The following DOCK4 variants were observed in gnomAD, a reference collection of about 807,000 sequenced individuals.
The protein encoded by DOCK4 is dedicator of cytokinesis 4, also known as dedicator of cytokinesis protein 4.
DOCK4 carries 97 observed loss-of-function variants against 268.1 expected under a neutral mutation model. The ratio of observed to expected loss-of-function variants is 0.36; its 90% CI spans 0.31 to 0.43. DOCK4 has a LOEUF of 0.43. Ranked by LOEUF, DOCK4 falls within the 20% of genes least tolerant of loss-of-function variation. DOCK4 has a pLI of 1.00. For synonymous variants in DOCK4, 954 were observed against 887.2 expected (o/e 1.08, Z -1.34); for missense variants, 2,145 against 2,455.7 (o/e 0.87, Z 2.67).
At chr7:112,180,280 C>T (rs1303264672) in intron 1 of DOCK4, among the ~76,000 whole-genome samples, 1 of 152,118 alleles carries the variant, frequency 6.6e-6, no homozygotes, top group Non-Finnish European at 1.5e-5. Flanking sequence ...GAACCTTGCT[C>T]TCCCAAAGAG....
intron 12 of DOCK4, among the ~76,000 whole-genome samples, chr7:111,934,530 T>TTTTGTTTTTG (rs749087364): frequency 1.5e-5 from 2 of 134,322 alleles, no homozygotes; most frequent in East Asian, 2.2e-4. Context: ...TTTGTTTTTT[T>TTTTGTTTTTG]TTTTTTTTTT....
intron 13 of DOCK4, among the ~76,000 whole-genome samples, chr7:111,908,979 C>T (rs960083818): frequency 3.9e-5 from 6 of 152,122 alleles, no homozygotes; most frequent in Non-Finnish European, 7.4e-5. Flanking sequence ...ATAAATAGTG[C>T]CGCAATAAAC....
chr7:112,197,017 T>G (rs1351236366), intron 1 of DOCK4, among the ~76,000 whole-genome samples: 2 of 152,086 alleles, frequency 1.3e-5, no homozygotes. Flanking sequence ...CAAGAAAACA[T>G]TGGTTTTCTT....
intron 1 of DOCK4, among the ~76,000 whole-genome samples, chr7:112,131,067 G>T (rs186864686): frequency 6.6e-6 from 1 of 152,148 alleles, no homozygotes; most frequent in Non-Finnish European, 1.5e-5. Context: ...AAAGGAAATG[G>T]CCGGCCGTAT....
Position 111,863,514 on chromosome 7 carries a change from G to C in DOCK4, c.2331C>G (p.Leu777=). The part of the protein sequence containing the change: ...FPAVYSELLK[L]FDVREVANLV... ...AGTTGGCTACTTCCCGGACATCAAA[G>C]AGCTTCAACAGTTCTGAGTACACGG... The change falls in exon 23 of 53, where the codon CTC becomes CTG. Residue 777 remains leucine (L), a synonymous_variant. Coordinates refer to ENST00000428084, the MANE Select transcript of DOCK4 (RefSeq NM_001363540.2). 6.2e-7 allele frequency: 1 copy of C among 1,613,788 alleles called. No homozygotes were observed. Among genetic ancestry groups the C allele is most frequent in the Non-Finnish European group, 8.5e-7 (1 of 1,179,800 alleles).
chr7:112,100,123 C>A (rs1810539955), intron 1 of DOCK4, among the ~76,000 whole-genome samples: 1 of 152,168 alleles, frequency 6.6e-6, no homozygotes, highest in Non-Finnish European at 1.5e-5. Context: ...ATCATACCTC[C>A]TTCCTACTGT....
intron 1 of DOCK4, among the ~76,000 whole-genome samples, chr7:112,137,295 C>G (rs1814451598): frequency 6.6e-6 from 1 of 152,186 alleles, no homozygotes; most frequent in Admixed American, 6.5e-5. Context: ...GAGAGTTCCT[C>G]CAGCCAGTCT....
chr7:112,098,585 G>A (rs1810369162), intron 1 of DOCK4, among the ~76,000 whole-genome samples: 1 of 149,078 alleles, frequency 6.7e-6, no homozygotes. Context: ...GATTATGTAA[G>A]ATTATGTAAA....
chr7:111,835,108 A>G (rs1354854918), intron 25 of DOCK4, among the ~76,000 whole-genome samples: 1 of 152,140 alleles, frequency 6.6e-6, no homozygotes, highest in Admixed American at 6.5e-5. Flanking sequence ...AGAAGGTAAA[A>G]TGTAGTTTCT....
chr7:112,184,478 TCTGAGGTTTAATAG>T (rs1280997296), intron 1 of DOCK4, among the ~76,000 whole-genome samples: 2 of 152,206 alleles, frequency 1.3e-5, no homozygotes, highest in African/African-American at 4.8e-5. Context: ...CTCTAACTTC[TCTGAGGTTTAATAG>T]TGCATATTCT....
intron 1 of DOCK4, among the ~76,000 whole-genome samples, chr7:112,073,953 T>C (rs1807833373): frequency 6.6e-6 from 1 of 152,170 alleles, no homozygotes; most frequent in African/African-American, 2.4e-5. Context: ...CATTATACAC[T>C]CTATACATGA....
intron 11 of DOCK4, 81 bp from the exon 12 acceptor site, chr7:111,935,709 C>T (rs977070128): frequency 1.8e-5 from 22 of 1,228,624 alleles, no homozygotes; most frequent in African/African-American, 1.3e-4. Flanking sequence ...CTGCCCTTTT[C>T]GTTATAACCA....
intron 8 of DOCK4, among the ~76,000 whole-genome samples, chr7:111,969,312 A>C (rs888923478): frequency 2.6e-5 from 4 of 151,618 alleles, no homozygotes; most frequent in Admixed American, 6.6e-5. Flanking sequence ...TCTGTATGAA[A>C]GATTTCTAAA....
chr7:111,743,058 C>T (rs1458988978), intron 44 of DOCK4, among the ~76,000 whole-genome samples: 1 of 151,962 alleles, frequency 6.6e-6, no homozygotes, highest in Non-Finnish European at 1.5e-5. Flanking sequence ...ACTTATAATT[C>T]AACGAGAGAG....
At chr7:111,760,143 G>A (rs527310308) in intron 40 of DOCK4, 38 bp downstream of exon 40, 2 of 1,606,258 alleles carry the variant, frequency 1.2e-6, no homozygotes, top group East Asian at 4.5e-5. Context: ...AAGAGCCAGT[G>A]CAATCTCACT....
intron 8 of DOCK4, among the ~76,000 whole-genome samples, chr7:111,970,956 T>C (rs1797663928): frequency 6.6e-6 from 1 of 152,216 alleles, no homozygotes; most frequent in Non-Finnish European, 1.5e-5. Context: ...ATGGGCTTTC[T>C]AAATATGGTC....
At chr7:112,107,999 C>A (rs117579897) in intron 1 of DOCK4, among the ~76,000 whole-genome samples, 372 of 152,278 alleles carry the variant, frequency 2.4e-3, no homozygotes, top group Non-Finnish European at 3.2e-3. Flanking sequence ...CATGCAACAA[C>A]AATAACTATT....
chr7:111,754,132 C>T (rs1049672347), intron 42 of DOCK4, among the ~76,000 whole-genome samples: 8 of 152,092 alleles, frequency 5.3e-5, no homozygotes, highest in East Asian at 1.9e-4. Flanking sequence ...TGCCATTCAG[C>T]GGGAAGCATA....
chr7:112,098,417 G>GC (rs897072069), intron 1 of DOCK4, among the ~76,000 whole-genome samples: 7 of 151,750 alleles, frequency 4.6e-5, no homozygotes, highest in Middle Eastern at 6.8e-3. Context: ...GACCTCATGA[G>GC]CCCCCCACCT....
Sources: allele counts gnomAD v4.1 joint callset (sites outside exome capture counted in the v4.1 genomes callset), GRCh38; gene constraint gnomAD v4.1.1; transcripts MANE v1.5; gene names NCBI Gene and HGNC (gene_info 2026-07-23, HGNC 2026-07-21).